The following PTPRD variants were observed in gnomAD, a reference collection of about 807,000 sequenced individuals.
The protein encoded by PTPRD is receptor-type tyrosine-protein phosphatase delta.
PTPRD carries 34 observed loss-of-function variants against 214.5 expected under a neutral mutation model. The observed-to-expected ratio is 0.16, with a 90% confidence interval of 0.12 to 0.21. The LOEUF is 0.21. Among genes scored for constraint, PTPRD ranks in the 10% least tolerant of loss-of-function variants. The pLI, the probability that PTPRD is intolerant of heterozygous loss-of-function variation, is 1.00. For synonymous variants in PTPRD, 1,128 were observed against 845.7 expected (o/e 1.33, Z -5.79); for missense variants, 2,545 against 2,398.7 (o/e 1.06, Z -1.27).
intron 2 of PTPRD, among the ~76,000 whole-genome samples, chr9:10,355,163 A>G (rs965886397): frequency 6.6e-6 from 1 of 152,192 alleles, no homozygotes; most frequent in African/African-American, 2.4e-5. Context: ...CATTTACTTC[A>G]AAGTTTTTTT....
At chr9:8,645,718 C>T (rs537770895) in intron 12 of PTPRD, among the ~76,000 whole-genome samples, 1 of 144,262 alleles carries the variant, frequency 6.9e-6, no homozygotes, top group East Asian at 2.1e-4. Flanking sequence ...AGATTATCTC[C>T]CACTTGCACT....
At position 8,341,148 on chromosome 9, in the gene PTPRD, G is replaced by A. The variant is rs724159864; in HGVS notation, c.5068C>T (p.Pro1690Ser). 6.2e-7 allele frequency: 1 copy of A among 1,612,998 alleles called. No homozygotes were observed. Among genetic ancestry groups the A allele is most frequent in the Non-Finnish European group, 8.5e-7 (1 of 1,179,412 alleles). Residue 1690 changes from proline to serine, a missense_variant, in exon 41 of 46, where the codon CCT becomes TCT. Pro to Ser is a moderately conservative substitution (Grantham distance 74). Coordinates refer to ENST00000381196, the MANE Select transcript of PTPRD (RefSeq NM_002839.4). Reference sequence around the variant, plus strand: ...TCAGATCCTTCTACTCCACGGATAGGCTGCAGGCATACCCTTGTGGATTCA... The same window carrying A: ...TCAGATCCTTCTACTCCACGGATAGACTGCAGGCATACCCTTGTGGATTCA... Reference protein sequence around the residue: ...PYESTRVCLQPIRGVEGSDYI... With the variant: ...PYESTRVCLQSIRGVEGSDYI...
intron 12 of PTPRD, among the ~76,000 whole-genome samples, chr9:8,671,430 A>C (rs1325658996): frequency 3.3e-5 from 5 of 152,136 alleles, no homozygotes; most frequent in Non-Finnish European, 7.4e-5. Flanking sequence ...AAGGGAATGA[A>C]AGTTCGCCCA....
intron 9 of PTPRD, among the ~76,000 whole-genome samples, chr9:9,233,712 G>A (rs928016017): frequency 2.0e-5 from 3 of 152,214 alleles, no homozygotes; most frequent in Non-Finnish European, 2.9e-5. Context: ...AGGGGCTATA[G>A]GCCCCATGCA....
chr9:8,764,808 G>GATAATAATAATAATA (rs58828058), intron 11 of PTPRD, among the ~76,000 whole-genome samples: 7 of 146,678 alleles, frequency 4.8e-5, no homozygotes, highest in Non-Finnish European at 9.0e-5. Context: ...TAATAATAAT[G>GATAATAATAATAATA]ATAATAATAA....
chr9:8,764,045 GA>G, intron 11 of PTPRD, among the ~76,000 whole-genome samples: 1 of 152,292 alleles, frequency 6.6e-6, no homozygotes, highest in African/African-American at 2.4e-5. Context: ...TATTATAAGT[GA>G]AGGGAGTGTT....
At chr9:10,165,164 T>C (rs551563813) in intron 3 of PTPRD, among the ~76,000 whole-genome samples, 1 of 151,868 alleles carries the variant, frequency 6.6e-6, no homozygotes, top group East Asian at 1.9e-4. Flanking sequence ...CTATAGGCTT[T>C]ATTTATACAG....
intron 4 of PTPRD, among the ~76,000 whole-genome samples, chr9:9,987,018 G>A (rs1200367569): frequency 1.3e-5 from 2 of 152,072 alleles, no homozygotes; most frequent in Non-Finnish European, 2.9e-5. Flanking sequence ...AGTAATTCAG[G>A]AAAGTAGCTA....
At chr9:8,460,713 G>T in intron 32 of PTPRD, 142 bp from the exon 33 acceptor site, 1 of 737,510 alleles carries the variant, frequency 1.4e-6, no homozygotes, top group Non-Finnish European at 2.1e-6. Flanking sequence ...ACAGAGGGGA[G>T]GGGAGAGGAG....
intron 2 of PTPRD, among the ~76,000 whole-genome samples, chr9:10,533,368 T>C (rs2056934576): frequency 6.6e-6 from 1 of 152,106 alleles, no homozygotes. Flanking sequence ...AGCAATTAAT[T>C]AGCTGTTGAC....
intron 3 of PTPRD, among the ~76,000 whole-genome samples, chr9:10,282,826 A>T (rs2095192168): frequency 6.6e-6 from 1 of 152,126 alleles, no homozygotes; most frequent in African/African-American, 2.4e-5. Context: ...AAGTAGCAAG[A>T]ATCCCATTCT....
At chr9:9,442,826 G>A (rs2088681899) in intron 8 of PTPRD, among the ~76,000 whole-genome samples, 1 of 152,090 alleles carries the variant, frequency 6.6e-6, no homozygotes, top group Non-Finnish European at 1.5e-5. Flanking sequence ...CCCTAAACAT[G>A]ACTATAAAGA....
chr9:8,849,518 G>T (rs1002638080), intron 11 of PTPRD, among the ~76,000 whole-genome samples: 1 of 152,114 alleles, frequency 6.6e-6, no homozygotes, highest in Non-Finnish European at 1.5e-5. Flanking sequence ...GAGCCACCGC[G>T]CCTGGTCCAT....
At chr9:9,217,712 C>A (rs1245858269) in intron 9 of PTPRD, among the ~76,000 whole-genome samples, 6 of 152,134 alleles carry the variant, frequency 3.9e-5, no homozygotes, top group Non-Finnish European at 8.8e-5. Flanking sequence ...TAGCCCCAGG[C>A]AGTCTTGACA....
chr9:8,662,008 C>G (rs189250895), intron 12 of PTPRD, among the ~76,000 whole-genome samples: 78 of 152,266 alleles, frequency 5.1e-4, no homozygotes, highest in African/African-American at 1.8e-3. Context: ...TCTTAAACCT[C>G]CGGGTTCAAG....
At chr9:8,384,188 C>A (rs962005179) in intron 37 of PTPRD, among the ~76,000 whole-genome samples, 11 of 151,908 alleles carry the variant, frequency 7.2e-5, no homozygotes, top group African/African-American at 2.4e-4. Context: ...AGTGGAAATC[C>A]CAGCTGTATA....
intron 2 of PTPRD, among the ~76,000 whole-genome samples, chr9:10,465,391 A>G (rs1490596074): frequency 6.6e-6 from 1 of 152,202 alleles, no homozygotes; most frequent in East Asian, 1.9e-4. Flanking sequence ...ATGGAAATAC[A>G]TATAATGAAC....
chr9:8,701,560 C>T (rs2098084978), intron 12 of PTPRD: 1 of 152,560 alleles, frequency 6.6e-6, no homozygotes, highest in Non-Finnish European at 1.5e-5. Context: ...TCACTGGAAC[C>T]TGGGAGGCGG....
At chr9:8,602,845 G>A (rs1460279649) in intron 14 of PTPRD, among the ~76,000 whole-genome samples, 1 of 152,142 alleles carries the variant, frequency 6.6e-6, no homozygotes, top group Admixed American at 6.5e-5. Context: ...CTGTATCCTA[G>A]CTTTAATTCC....
Sources: allele counts gnomAD v4.1 joint callset (sites outside exome capture counted in the v4.1 genomes callset), GRCh38; gene constraint gnomAD v4.1.1; transcripts MANE v1.5; gene names NCBI Gene and HGNC (gene_info 2026-07-23, HGNC 2026-07-21).